Variants in CHST8 observed in about 807,000 individuals in gnomAD.
CHST8 encodes the protein carbohydrate sulfotransferase 8.
A neutral mutation model predicts 15.0 loss-of-function variants in CHST8; 10 were observed. That is an observed-to-expected ratio of 0.67 (90% CI 0.41 to 1.13). CHST8 has a LOEUF of 1.13. Ranked by LOEUF, CHST8 falls within the 50% of genes most tolerant of loss-of-function variation. The probability of loss-of-function intolerance (pLI) is 0.00; values close to 1 mark genes in which losing one functional copy is unlikely to be tolerated. For missense variants in CHST8, 634 were observed against 608.2 expected, an observed-to-expected ratio of 1.04 and a Z score of -0.45; for synonymous variants, 259 against 256.6, an observed-to-expected ratio of 1.01 and a Z score of -0.09.
intron 3 of CHST8, among the ~76,000 whole-genome samples, chr19:33,721,202 TC>T (rs1213260642): frequency 1.3e-5 from 2 of 152,148 alleles, no homozygotes; most frequent in African/African-American, 2.4e-5. Context: ...TATTGCAGGG[TC>T]CTCGGAGTCA....
At chr19:33,655,277 T>A (rs1038988494) in intron 1 of CHST8, among the ~76,000 whole-genome samples, 2 of 152,168 alleles carry the variant, frequency 1.3e-5, no homozygotes, top group Non-Finnish European at 2.9e-5. Flanking sequence ...TCTCAAGAGA[T>A]CTGCCCGCCT....
intron 1 of CHST8, among the ~76,000 whole-genome samples, chr19:33,639,853 T>G (rs1251984319): frequency 6.6e-6 from 1 of 151,746 alleles, no homozygotes; most frequent in African/African-American, 2.4e-5. Flanking sequence ...TTTTTTTTTT[T>G]TTTTGAGACA....
At chr19:33,683,819 T>G (rs1972930255) in intron 2 of CHST8, among the ~76,000 whole-genome samples, 2 of 152,208 alleles carry the variant, frequency 1.3e-5, no homozygotes, top group African/African-American at 4.8e-5. Flanking sequence ...AGGGAAGGGC[T>G]GTCACCGCGA....
At chr19:33,761,678 TA>T (rs1037895400) in intron 3 of CHST8, among the ~76,000 whole-genome samples, 8 of 151,564 alleles carry the variant, frequency 5.3e-5, no homozygotes, top group Middle Eastern at 3.2e-3. Context: ...TATATGTATA[TA>T]TTTTTTTAAT....
At chr19:33,638,843 C>T (rs982527315) in intron 1 of CHST8, among the ~76,000 whole-genome samples, 2 of 152,044 alleles carry the variant, frequency 1.3e-5, no homozygotes, top group Non-Finnish European at 2.9e-5. Flanking sequence ...TGTCCTCCAT[C>T]CCCTGGTGAG....
chr19:33,626,036 C>T (rs571157039), intron 1 of CHST8, among the ~76,000 whole-genome samples: 3 of 152,200 alleles, frequency 2.0e-5, no homozygotes, highest in East Asian at 3.9e-4. Context: ...GACTCCAGAG[C>T]GGCTGTGTTC....
intron 1 of CHST8, among the ~76,000 whole-genome samples, chr19:33,655,087 A>G (rs1281829493): frequency 1.3e-5 from 2 of 152,144 alleles, no homozygotes; most frequent in Non-Finnish European, 2.9e-5. Flanking sequence ...CCCAGGCTAG[A>G]ATGCAGTGGT....
chr19:33,677,158 C>T (rs564269443), intron 2 of CHST8, among the ~76,000 whole-genome samples: 13 of 132,022 alleles, frequency 9.8e-5, no homozygotes, highest in Non-Finnish European at 2.0e-4. Context: ...GATCAGCCGG[C>T]AGGGGGGGGC....
At chr19:33,745,528 C>T (rs767632245) in intron 3 of CHST8, among the ~76,000 whole-genome samples, 7 of 152,214 alleles carry the variant, frequency 4.6e-5, no homozygotes, top group Non-Finnish European at 5.9e-5. Flanking sequence ...TCTCTCTGCC[C>T]CACTGGCACT....
intron 3 of CHST8, among the ~76,000 whole-genome samples, chr19:33,735,693 G>A (rs1974070905): frequency 6.6e-6 from 1 of 152,198 alleles, no homozygotes; most frequent in South Asian, 2.1e-4. Context: ...CGGGCGTGCT[G>A]GTGCACACCT....
chr19:33,675,528 G>A (rs555852489), intron 2 of CHST8, among the ~76,000 whole-genome samples: 1 of 152,356 alleles, frequency 6.6e-6, no homozygotes, highest in African/African-American at 2.4e-5. Flanking sequence ...TCTAGGCAGA[G>A]TTTGTGTCCA....
chr19:33,738,969 G>C (rs1396109435), intron 3 of CHST8, among the ~76,000 whole-genome samples: 2 of 152,130 alleles, frequency 1.3e-5, no homozygotes, highest in African/African-American at 4.8e-5. Flanking sequence ...ATATTGCCAG[G>C]ATTAAAGCCG....
At chr19:33,769,707 C>G (rs1974930323) in intron 3 of CHST8, among the ~76,000 whole-genome samples, 1 of 152,012 alleles carries the variant, frequency 6.6e-6, no homozygotes, top group South Asian at 2.1e-4. Context: ...GCACCTGCTA[C>G]TTACACCCCA....
intron 3 of CHST8, among the ~76,000 whole-genome samples, chr19:33,761,197 C>G (rs960175770): frequency 6.6e-6 from 1 of 152,150 alleles, no homozygotes; most frequent in African/African-American, 2.4e-5. Context: ...CTTCCAGGCC[C>G]ACATGTGTTG....
chr19:33,658,264 C>T (rs917812998), intron 1 of CHST8, among the ~76,000 whole-genome samples: 21 of 152,270 alleles, frequency 1.4e-4, no homozygotes, highest in Middle Eastern at 3.4e-3. Context: ...TACTTGAACT[C>T]GGGAGGCGGA....
Position 33,772,192 on chromosome 19 carries a change from T to C in CHST8, c.404T>C (p.Ile135Thr), listed in dbSNP as rs778271940. Residue 135 changes from isoleucine (I) to threonine (T), a missense_variant, in exon 5 of 5, where the codon ATC (isoleucine) becomes ACC (threonine). Transcript: ENST00000650847. ...IPANSSDAPF[I>T]RPGPGTLDGR... ...GCCAACAGCTCGGACGCGCCCTTCA[T>C]CCGGCCGGGACCCGGGACGCTGGAT... 1 of 1,595,496 alleles carries C rather than the reference T, an allele frequency of 6.3e-7. No homozygotes were observed. The highest frequency in any genetic ancestry group is 8.5e-7 in the Non-Finnish European group (1 of 1,173,820).
chr19:33,670,884 A>G (rs1337077960), intron 2 of CHST8, among the ~76,000 whole-genome samples: 1 of 152,122 alleles, frequency 6.6e-6, no homozygotes, highest in Non-Finnish European at 1.5e-5. Flanking sequence ...TAATCTTGCA[A>G]GGTAGCCACA....
intron 3 of CHST8, among the ~76,000 whole-genome samples, chr19:33,704,887 C>T (rs191493359): frequency 2.1e-5 from 3 of 143,824 alleles, no homozygotes; most frequent in African/African-American, 7.9e-5. Flanking sequence ...CCAGCTTGGG[C>T]GACAGAGTGA....
At chr19:33,634,515 T>C (rs1300297939) in intron 1 of CHST8, among the ~76,000 whole-genome samples, 2 of 151,636 alleles carry the variant, frequency 1.3e-5, no homozygotes, top group Non-Finnish European at 2.9e-5. Context: ...TAGACAAGAG[T>C]TTCTCTGGAT....
Sources: gnomAD v4.1 joint callset for allele counts (sites outside exome capture counted in the v4.1 genomes callset) on GRCh38, gnomAD v4.1.1 for gene constraint, MANE v1.5 for transcripts, NCBI Gene and HGNC (gene_info 2026-07-23, HGNC 2026-07-21) for gene names.